Variants in TEN1 observed in about 807,000 individuals in gnomAD.
The protein encoded by TEN1 is CST complex subunit TEN1.
TEN1 carries 6 observed loss-of-function variants against 9.3 expected under a neutral mutation model. The observed-to-expected ratio is 0.65, with a 90% confidence interval of 0.35 to 1.27. TEN1 has a LOEUF of 1.27. Ranked by LOEUF, TEN1 falls within the 50% of genes most tolerant of loss-of-function variation. The probability of loss-of-function intolerance (pLI) is 0.03; values close to 1 mark genes in which losing one functional copy is unlikely to be tolerated. For missense variants in TEN1, 149 were observed against 158.2 expected, an observed-to-expected ratio of 0.94 and a Z score of 0.31; for synonymous variants, 65 against 65.6, an observed-to-expected ratio of 0.99 and a Z score of 0.04.
At chr17:75,999,546 T>G (rs2066240241) in intron 3 of TEN1, among the ~76,000 whole-genome samples, 2 of 152,102 alleles carry the variant, frequency 1.3e-5, no homozygotes, top group Admixed American at 1.3e-4. Flanking sequence ...TTTCATCATG[T>G]TGGCCAGGCT....
At chr17:75,989,466 C>A (rs1277025787) in intron 2 of TEN1, among the ~76,000 whole-genome samples, 3 of 151,560 alleles carry the variant, frequency 2.0e-5, no homozygotes, top group Non-Finnish European at 4.4e-5. Flanking sequence ...GGCTGGAGTG[C>A]AGTGGCGTGA....
At chr17:75,987,338 G>T (rs1358480138) in intron 2 of TEN1, among the ~76,000 whole-genome samples, 1 of 152,204 alleles carries the variant, frequency 6.6e-6, no homozygotes, top group East Asian at 1.9e-4. Context: ...CTCTTGGCAA[G>T]ATAACTCAGT....
At chr17:75,982,696 T>C (rs2066128573) in intron 1 of TEN1, among the ~76,000 whole-genome samples, 1 of 149,232 alleles carries the variant, frequency 6.7e-6, no homozygotes, top group Admixed American at 6.6e-5. Flanking sequence ...GCATTGATCA[T>C]AGTTTTATTT....
chr17:75,989,593 T>A (rs925622626), intron 2 of TEN1, among the ~76,000 whole-genome samples: 3 of 150,788 alleles, frequency 2.0e-5, no homozygotes, highest in Non-Finnish European at 4.4e-5. Flanking sequence ...TGTATTTTTT[T>A]AAGTAGAGAT....
intron 2 of TEN1, 50 bp from the exon 3 acceptor site, chr17:75,991,416 T>A: frequency 6.5e-7 from 1 of 1,539,604 alleles, no homozygotes; most frequent in Non-Finnish European, 8.8e-7. Flanking sequence ...TTGAGCGTGG[T>A]GGTGATTCTA....
chr17:75,996,251 C>T (rs977118954), intron 3 of TEN1, among the ~76,000 whole-genome samples: 3 of 151,860 alleles, frequency 2.0e-5, no homozygotes, highest in African/African-American at 4.8e-5. Context: ...TTTGGGAGGC[C>T]GAGGTGGGTG....
intron 3 of TEN1, among the ~76,000 whole-genome samples, chr17:75,992,066 AAAGAC>A (rs1197194377): frequency 0.042 from 6,286 of 149,106 alleles, 533 homozygotes; most frequent in African/African-American, 0.15. Context: ...AAAAAAAAAA[AAAGAC>A]AGGTACAGTG....
chr17:75,982,954 G>T (rs2066130611), intron 1 of TEN1, among the ~76,000 whole-genome samples: 1 of 143,914 alleles, frequency 6.9e-6, no homozygotes, highest in Non-Finnish European at 1.5e-5. Context: ...CAAGTGATCT[G>T]CCCGCCTTGG....
At position 76,000,139 on chromosome 17, in the gene TEN1, A is replaced by C. The variant is rs944834426; in HGVS notation, c.251-2A>C. 36 of 1,550,570 alleles carry C rather than the reference A, an allele frequency of 2.3e-5. No individual in the cohort carries two copies. The highest frequency in any genetic ancestry group is 3.1e-5 in the Non-Finnish European group (35 of 1,146,474). ...GTTCGTGCCCTGGTGTTTGTCTTGCAGACAGAGGCTCCGTGGTGAAGGCGC... is the reference window on the plus strand; with the variant it reads ...GTTCGTGCCCTGGTGTTTGTCTTGCCGACAGAGGCTCCGTGGTGAAGGCGC... On this transcript the variant is annotated splice_acceptor_variant, in intron 3 of 3. Coordinates refer to ENST00000397640, the MANE Select transcript of TEN1 (RefSeq NM_001113324.3). LOFTEE classifies it high-confidence loss of function. The surrounding 1 kb of genome is among the most constrained non-coding windows in gnomAD (Gnocchi z 5.9).
intron 2 of TEN1, 38 bp from the exon 3 acceptor site, chr17:75,991,428 G>T: frequency 6.5e-7 from 1 of 1,548,428 alleles, no homozygotes; most frequent in Non-Finnish European, 8.7e-7. Flanking sequence ...GTGATTCTAC[G>T]TATGGATGGA....
Position 75,986,243 on chromosome 17 carries a change from A to C in TEN1, c.51A>C (p.Ala17=), listed in dbSNP as rs933467250. Residue 17 remains alanine, a synonymous_variant, in exon 2 of 4, where the codon GCA becomes GCC. Transcript: ENST00000397640. ...ATTACCTCCCCTGGGAGGTTAGTGC[A>C]GGCCAAGTTCCTGATGGGAGCACGC... is the stretch of plus-strand genomic sequence containing the variant. ...GTYYLPWEVS[A]GQVPDGSTLR... 6.5e-7 allele frequency: 1 copy of C among 1,550,144 alleles called. No individual in the cohort carries two copies. Among genetic ancestry groups the C allele is most frequent in the Admixed American group, 2.0e-5 (1 of 50,796 alleles).
At chr17:75,991,182 G>GA (rs1164422635) in intron 2 of TEN1, among the ~76,000 whole-genome samples, 1 of 138,218 alleles carries the variant, frequency 7.2e-6, no homozygotes, top group South Asian at 2.3e-4. Context: ...AAAAGAAAAA[G>GA]AAAAAAATGA....
chr17:75,986,404 T>TAA, intron 2 of TEN1, 120 bp downstream of exon 2: 11 of 950,190 alleles, frequency 1.2e-5, no homozygotes, highest in Admixed American at 3.6e-5. Flanking sequence ...GTTAAAATAC[T>TAA]AAAAAAAAAA....
At chr17:75,984,243 TCTTA>T (rs2066138911) in intron 1 of TEN1, among the ~76,000 whole-genome samples, 1 of 152,198 alleles carries the variant, frequency 6.6e-6, no homozygotes, top group Admixed American at 6.5e-5. Flanking sequence ...GCAAAGGACA[TCTTA>T]CTTCTCTATC....
At chr17:75,992,669 C>T (rs142346253) in intron 3 of TEN1, among the ~76,000 whole-genome samples, 5,895 of 151,902 alleles carry the variant, frequency 0.039, 189 homozygotes, top group East Asian at 0.16. Context: ...CCCGCCACCA[C>T]GCCTGGCTAA....
At chr17:75,984,900 T>C (rs1373934623) in intron 1 of TEN1, 1 of 152,234 alleles carries the variant, frequency 6.6e-6, no homozygotes. Flanking sequence ...AGAACAGTTC[T>C]TCCTGGCACT....
chr17:75,997,125 C>T (rs375522136), intron 3 of TEN1, among the ~76,000 whole-genome samples: 54 of 152,268 alleles, frequency 3.5e-4, no homozygotes, highest in African/African-American at 1.2e-3. Context: ...TCAGGACTCC[C>T]GGGCTTTCTC....
chr17:75,995,492 G>T (rs1301251053), intron 3 of TEN1, among the ~76,000 whole-genome samples: 1 of 152,210 alleles, frequency 6.6e-6, no homozygotes, highest in Non-Finnish European at 1.5e-5. Context: ...GAGGACAGGT[G>T]AGAGGTCACC....
intron 3 of TEN1, among the ~76,000 whole-genome samples, chr17:75,992,108 A>C (rs1194097475): frequency 6.6e-6 from 1 of 151,718 alleles, no homozygotes; most frequent in Non-Finnish European, 1.5e-5. Flanking sequence ...TGGGGAAGTG[A>C]GAACGAGGAG....
Sources: allele counts gnomAD v4.1 joint callset (sites outside exome capture counted in the v4.1 genomes callset), GRCh38; gene constraint gnomAD v4.1.1; non-coding constraint Gnocchi (gnomAD v3.1); transcripts MANE v1.5; gene names NCBI Gene and HGNC (gene_info 2026-07-23, HGNC 2026-07-21).